GRID2: variants seen among roughly 807,000 people sequenced by gnomAD.
GRID2 encodes glutamate receptor ionotropic, delta-2.
A neutral mutation model predicts 114.8 loss-of-function variants in GRID2; 33 were observed. That is an observed-to-expected ratio of 0.29 (90% confidence interval 0.22 to 0.38). GRID2 has a LOEUF of 0.38. GRID2 is among the 10% of genes least tolerant of loss of function. The pLI is 1.00. For synonymous variants in GRID2, 505 were observed against 449.9 expected, an observed-to-expected ratio of 1.12 and a Z score of -1.55; for missense variants, 1,184 against 1,257.7, an observed-to-expected ratio of 0.94 and a Z score of 0.89.
intron 13 of GRID2, among the ~76,000 whole-genome samples, chr4:93,561,834 C>A (rs1039053773): frequency 6.6e-6 from 1 of 152,118 alleles, no homozygotes; most frequent in Non-Finnish European, 1.5e-5. Context: ...TCTAAGTTTC[C>A]TCCATGTCTT....
intron 2 of GRID2, among the ~76,000 whole-genome samples, chr4:92,886,265 A>C (rs1746361003): frequency 6.6e-6 from 1 of 152,166 alleles, no homozygotes; most frequent in Non-Finnish European, 1.5e-5. Context: ...TTGATATTAC[A>C]ATAGTAATAT....
chr4:93,567,043 C>T (rs1735494898), intron 13 of GRID2, among the ~76,000 whole-genome samples: 2 of 152,214 alleles, frequency 1.3e-5, no homozygotes, highest in East Asian at 1.9e-4. Flanking sequence ...CACTCTTTTG[C>T]CCCCTTCTCC....
At chr4:93,792,307 T>C (rs1324209505) in intron 1 of GRID2, among the ~76,000 whole-genome samples, 1 of 152,132 alleles carries the variant, frequency 6.6e-6, no homozygotes, top group Admixed American at 6.5e-5. Flanking sequence ...AAAGTGGTGC[T>C]ATGAGGCTAG....
chr4:92,596,041 C>T (rs35680590), intron 2 of GRID2, among the ~76,000 whole-genome samples: 42,973 of 151,994 alleles, frequency 0.28, 6,074 homozygotes, highest in Middle Eastern at 0.39. Flanking sequence ...ACACTGGATT[C>T]TGCAACTTTC....
intron 1 of GRID2, among the ~76,000 whole-genome samples, chr4:92,515,389 A>C (rs1219433278): frequency 2.0e-5 from 3 of 151,896 alleles, no homozygotes; most frequent in South Asian, 2.1e-4. Context: ...AAAGACAATA[A>C]ATTATTTCCA....
At chr4:93,337,714 C>T (rs1759232377) in intron 8 of GRID2, among the ~76,000 whole-genome samples, 1 of 152,000 alleles carries the variant, frequency 6.6e-6, no homozygotes, top group South Asian at 2.1e-4. Flanking sequence ...ATATGAGAGA[C>T]CAATGAAGAC....
chr4:93,377,153 G>A (rs551739906), intron 8 of GRID2, among the ~76,000 whole-genome samples: 19 of 152,096 alleles, frequency 1.2e-4, no homozygotes, highest in South Asian at 4.2e-4. Flanking sequence ...AAGAGTAGGC[G>A]CATAAATAAA....
At chr4:93,618,932 T>C (rs868775226) in intron 13 of GRID2, among the ~76,000 whole-genome samples, 3 of 152,174 alleles carry the variant, frequency 2.0e-5, no homozygotes, top group Non-Finnish European at 2.9e-5. Context: ...CTAGAATGCT[T>C]TTAAAAACTT....
chr4:92,538,981 G>C (rs1007294342), intron 1 of GRID2, among the ~76,000 whole-genome samples: 3 of 150,774 alleles, frequency 2.0e-5, no homozygotes, highest in Non-Finnish European at 2.9e-5. Flanking sequence ...GGCGCAGCTT[G>C]CAGTGAGCCG....
intron 2 of GRID2, among the ~76,000 whole-genome samples, chr4:92,933,075 T>A (rs1750367342): frequency 6.6e-6 from 1 of 150,840 alleles, no homozygotes. Context: ...TCCATTTTAT[T>A]TTATATACAT....
chr4:93,105,942 C>T lies in GRID2; in HGVS notation c.530-4806C>T, dbSNP rs557558184. On this transcript the variant is annotated intron_variant, in intron 3 of 15. Coordinates refer to ENST00000282020, the MANE Select transcript of GRID2 (RefSeq NM_001510.4). ...TGTAATCTAGTATATTCACAGATTA[C>T]AGGGATTAACATGTGAGCATTTTGG... Among the ~76,000 whole-genome samples, 7 of 152,218 alleles carry T rather than the reference C, an allele frequency of 4.6e-5. No homozygotes were observed. In the East Asian group the frequency reaches 1.4e-3, roughly 29 times the overall value.
At chr4:93,789,516 C>T (rs1031837369) in intron 1 of GRID2, among the ~76,000 whole-genome samples, 4 of 152,186 alleles carry the variant, frequency 2.6e-5, no homozygotes, top group Admixed American at 2.0e-4. Flanking sequence ...AATCAATTTT[C>T]CAATCCAGCA....
chr4:93,744,212 T>C (rs1271034469), intron 14 of GRID2, among the ~76,000 whole-genome samples: 1 of 152,210 alleles, frequency 6.6e-6, no homozygotes, highest in Non-Finnish European at 1.5e-5. Context: ...TTTTCGTGCC[T>C]GCTAACACAT....
At chr4:93,279,484 T>G (rs1752423072) in intron 8 of GRID2, among the ~76,000 whole-genome samples, 1 of 151,442 alleles carries the variant, frequency 6.6e-6, no homozygotes, top group African/African-American at 2.4e-5. Context: ...ATTGACAGGT[T>G]TTTTTTCAGC....
chr4:92,776,292 G>T (rs1420231270), intron 2 of GRID2, among the ~76,000 whole-genome samples: 1 of 152,088 alleles, frequency 6.6e-6, no homozygotes, highest in Non-Finnish European at 1.5e-5. Flanking sequence ...ACACACTCCA[G>T]GGCAAATCTT....
At chr4:92,944,023 C>A (rs563128773) in intron 2 of GRID2, among the ~76,000 whole-genome samples, 2 of 152,302 alleles carry the variant, frequency 1.3e-5, no homozygotes, top group South Asian at 4.1e-4. Flanking sequence ...TTAGGCTACT[C>A]AGGGGTCAGG....
chr4:92,668,577 G>T (rs1328611788), intron 2 of GRID2, among the ~76,000 whole-genome samples: 4 of 151,758 alleles, frequency 2.6e-5, no homozygotes, highest in Non-Finnish European at 4.4e-5. Context: ...CAACTAGGTA[G>T]ATTTTAGTTG....
At chr4:93,191,675 A>T (rs937972489) in intron 4 of GRID2, among the ~76,000 whole-genome samples, 5 of 152,114 alleles carry the variant, frequency 3.3e-5, no homozygotes, top group Non-Finnish European at 4.4e-5. Context: ...TCTTTTTGTC[A>T]CATCAAGATT....
At chr4:93,511,419 T>G (rs1729165955) in intron 12 of GRID2, among the ~76,000 whole-genome samples, 1 of 152,154 alleles carries the variant, frequency 6.6e-6, no homozygotes, top group African/African-American at 2.4e-5. Context: ...GCTCTCAGTA[T>G]TGTTCAGTAC....
Sources: gnomAD v4.1 joint callset for allele counts (sites outside exome capture counted in the v4.1 genomes callset) on GRCh38, gnomAD v4.1.1 for gene constraint, MANE v1.5 for transcripts, NCBI Gene and HGNC (gene_info 2026-07-23, HGNC 2026-07-21) for gene names.